LPIN1: variants seen among roughly 807,000 people sequenced by gnomAD.
The protein encoded by LPIN1 is phosphatidate phosphatase LPIN1.
Under a neutral mutation model 107.5 loss-of-function variants are expected in LPIN1, and 71 were observed. The ratio of observed to expected loss-of-function variants is 0.66; its 90% CI spans 0.55 to 0.80. LPIN1 has a LOEUF of 0.80. Ranked by LOEUF, LPIN1 falls within the 30% of genes least tolerant of loss-of-function variation. The probability of loss-of-function intolerance (pLI) is 0.00; values close to 1 mark genes in which losing one functional copy is unlikely to be tolerated. For synonymous variants in LPIN1, 445 were observed against 452.6 expected, an observed-to-expected ratio of 0.98 and a Z score of 0.21; for missense variants, 1,043 against 1,160.6, an observed-to-expected ratio of 0.90 and a Z score of 1.47.
chr2:11,783,899 G>A lies in LPIN1; in HGVS notation c.1335G>A (p.Val445=). Residue 445 remains valine (V), a synonymous_variant, in exon 9 of 21, where the codon GTG becomes GTA. Transcript: ENST00000674199. ...LDDLTDMDPE[V]AALYFPKNGD... ...ACCTCACAGACATGGATCCTGAAGTGGCGGCCCTGTATTTTCCCAAAAAGT... is the reference window on the plus strand; with the variant it reads ...ACCTCACAGACATGGATCCTGAAGTAGCGGCCCTGTATTTTCCCAAAAAGT... 1 of 1,614,136 alleles carries A rather than the reference G, an allele frequency of 6.2e-7. No homozygotes were observed. Among genetic ancestry groups the A allele is most frequent in the Non-Finnish European group, 8.5e-7 (1 of 1,179,980 alleles).
chr2:11,731,605 G>A (rs1665240549), intron 1 of LPIN1, among the ~76,000 whole-genome samples: 1 of 152,190 alleles, frequency 6.6e-6, no homozygotes, highest in South Asian at 2.1e-4. Flanking sequence ...TGAGATTGTT[G>A]GGTCAAATGG....
chr2:11,714,337 T>C (rs1260012911), intron 2 of LPIN1, among the ~76,000 whole-genome samples: 1 of 152,198 alleles, frequency 6.6e-6, no homozygotes, highest in Non-Finnish European at 1.5e-5. Context: ...TCTCTGGGAT[T>C]GTTTTTCATG....
chr2:11,762,437 G>T (rs1669993878), intron 1 of LPIN1, among the ~76,000 whole-genome samples: 2 of 151,480 alleles, frequency 1.3e-5, no homozygotes, highest in Admixed American at 1.3e-4. Flanking sequence ...TTGGGGGTGG[G>T]GTGGTGGGTG....
At chr2:11,728,861 TA>T (rs1310156712) in intron 1 of LPIN1, among the ~76,000 whole-genome samples, 2 of 152,192 alleles carry the variant, frequency 1.3e-5, no homozygotes, top group Non-Finnish European at 1.5e-5. Flanking sequence ...TAATTTATCT[TA>T]AAATATGTAT....
At position 11,697,380 on chromosome 2, in the gene LPIN1, G is replaced by A. The variant is rs959227873; in HGVS notation, c.82-16376G>A. ...AAGCAAGCAGCTCCTGGTGGCCTGT[G>A]GCCAGTGCAGGAGGAACAGGAAGCA... On this transcript the variant is annotated intron_variant, in intron 1 of 21. Transcript: ENST00000449576. This position sits in a 1 kb window ranked among gnomAD's most constrained non-coding sequence, Gnocchi z 4.6. Among the ~76,000 whole-genome samples, 1 of 152,228 alleles carries A rather than the reference G, an allele frequency of 6.6e-6. No homozygotes were observed. The highest frequency in any genetic ancestry group is 1.5e-5 in the Non-Finnish European group (1 of 68,042).
intron 4 of LPIN1, among the ~76,000 whole-genome samples, chr2:11,772,090 A>C (rs1425523650): frequency 3.9e-5 from 6 of 152,174 alleles, no homozygotes; most frequent in Admixed American, 6.5e-5. Flanking sequence ...GATCCCTCAC[A>C]TGTGCAGTTC....
Position 11,767,758 on chromosome 2 carries a change from T to G in LPIN1, c.193-5T>G. The G allele has an allele frequency of 1.9e-6, 3 of 1,589,948 alleles. No homozygotes were observed. The highest frequency in any genetic ancestry group is 1.7e-6 in the Non-Finnish European group (2 of 1,157,822). On this transcript the variant is annotated splice_region_variant and splice_polypyrimidine_tract_variant and intron_variant, in intron 2 of 20. Transcript: ENST00000674199. ...ATTCTTTTCTTAACCATGTTTTCCC[T>G]TCAGGTTGACATAGAAATCAATGGG...
intron 14 of LPIN1, among the ~76,000 whole-genome samples, chr2:11,797,250 A>G (rs1447747157): frequency 6.6e-6 from 1 of 152,238 alleles, no homozygotes; most frequent in East Asian, 1.9e-4. Flanking sequence ...TCTTTGGCAA[A>G]TTAATCCACC....
At chr2:11,782,680 A>G (rs1673782803) in intron 8 of LPIN1, among the ~76,000 whole-genome samples, 173 bp downstream of exon 8, 1 of 152,216 alleles carries the variant, frequency 6.6e-6, no homozygotes, top group Non-Finnish European at 1.5e-5. Flanking sequence ...GAATTTAGTC[A>G]TAGGAAATCA....
chr2:11,805,453 G>T, intron 17 of LPIN1: 1 of 514,780 alleles, frequency 1.9e-6, no homozygotes. Context: ...AGTTCATCCC[G>T]AGGGATGGCA....
At chr2:11,772,759 T>C (rs1672062940) in intron 4 of LPIN1, among the ~76,000 whole-genome samples, 1 of 152,228 alleles carries the variant, frequency 6.6e-6, no homozygotes, top group Non-Finnish European at 1.5e-5. Context: ...ATATTTGATG[T>C]TTCAGATTTT....
At chr2:11,801,223 C>T (rs1021532313) in intron 14 of LPIN1, among the ~76,000 whole-genome samples, 8 of 152,196 alleles carry the variant, frequency 5.3e-5, no homozygotes, top group South Asian at 4.1e-4. Context: ...AAAAATAGAA[C>T]TAGCATACAA....
chr2:11,819,453 C>G (rs758355130), intron 18 of LPIN1, 31 bp from the exon 19 acceptor site: 1 of 1,349,670 alleles, frequency 7.4e-7, no homozygotes, highest in Non-Finnish European at 1.1e-6. Context: ...CTTAGCCTCT[C>G]ATGTTAATCT....
intron 14 of LPIN1, among the ~76,000 whole-genome samples, chr2:11,801,157 G>T (rs1053398870): frequency 6.6e-6 from 1 of 152,200 alleles, no homozygotes; most frequent in Non-Finnish European, 1.5e-5. Context: ...CTGTTGGTGG[G>T]AATGTGAATT....
At chr2:11,732,253 G>T (rs1291071881) in intron 1 of LPIN1, among the ~76,000 whole-genome samples, 3 of 152,100 alleles carry the variant, frequency 2.0e-5, no homozygotes, top group Admixed American at 1.3e-4. Context: ...TAATACTATT[G>T]CCATTTGTTA....
chr2:11,783,814 C>T lies in LPIN1; in HGVS notation c.1265-15C>T, dbSNP rs1161440870. On this transcript the variant is annotated splice_polypyrimidine_tract_variant and intron_variant, in intron 8 of 20. Coordinates refer to ENST00000674199, the MANE Select transcript of LPIN1 (RefSeq NM_001349206.2). ...AGAAGAGTGGTTTTCTGACTTGAGCCATTTGCCGTTTTAGATAAACGAAGC... is the reference window on the plus strand; with the variant it reads ...AGAAGAGTGGTTTTCTGACTTGAGCTATTTGCCGTTTTAGATAAACGAAGC... 4 of 1,609,498 alleles carry T rather than the reference C, an allele frequency of 2.5e-6. No homozygotes were observed. The Admixed American group carries it at 6.7e-5, about 27-fold the overall frequency.
At chr2:11,763,379 A>AGT (rs1398688945) in intron 1 of LPIN1, 1 of 153,112 alleles carries the variant, frequency 6.5e-6, no homozygotes, top group Non-Finnish European at 1.5e-5. Flanking sequence ...CAGAGTGGAC[A>AGT]GTGATGTGGG....
chr2:11,727,333 T>G (rs1445638083), intron 1 of LPIN1, among the ~76,000 whole-genome samples: 1 of 152,246 alleles, frequency 6.6e-6, no homozygotes, highest in Non-Finnish European at 1.5e-5. Flanking sequence ...TCTTAAAATT[T>G]ATTTCGGTTC....
chr2:11,812,051 C>G (rs1467765775), intron 17 of LPIN1, among the ~76,000 whole-genome samples: 1 of 152,208 alleles, frequency 6.6e-6, no homozygotes, highest in African/African-American at 2.4e-5. Context: ...GTATTCCAGA[C>G]AAGCTGATAT....
Sources: allele counts gnomAD v4.1 joint callset (sites outside exome capture counted in the v4.1 genomes callset), GRCh38; gene constraint gnomAD v4.1.1; non-coding constraint Gnocchi (gnomAD v3.1); transcripts MANE v1.5; gene names NCBI Gene and HGNC (gene_info 2026-07-23, HGNC 2026-07-21).